The following ECHS1 variants were observed in gnomAD, a reference collection of about 807,000 sequenced individuals.
The protein encoded by ECHS1 is enoyl-CoA hydratase, mitochondrial.
Under a neutral mutation model 33.5 loss-of-function variants are expected in ECHS1, and 19 were observed. That is an observed-to-expected ratio of 0.57 (90% CI 0.40 to 0.83). ECHS1 has a LOEUF of 0.83. ECHS1 is among the 40% of genes least tolerant of loss of function. The pLI is 0.00. For missense variants in ECHS1, 365 were observed against 381.3 expected, an observed-to-expected ratio of 0.96 and a Z score of 0.36; for synonymous variants, 158 against 146.6, an observed-to-expected ratio of 1.08 and a Z score of -0.56.
chr10:133,364,260 T>C (rs1849002378), intron 7 of ECHS1, among the ~76,000 whole-genome samples: 2 of 152,212 alleles, frequency 1.3e-5, no homozygotes, highest in South Asian at 2.1e-4. Flanking sequence ...TTTAAAAAAG[T>C]CTTTTTTTTG....
intron 3 of ECHS1, 150 bp downstream of exon 3, chr10:133,369,754 G>C: frequency 8.8e-7 from 1 of 1,132,532 alleles, no homozygotes; most frequent in Non-Finnish European, 1.2e-6. Context: ...TCTCCACACA[G>C]TTCCTGGCTC....
Position 133,366,077 on chromosome 10 carries a change from C to A in ECHS1, c.638G>T (p.Cys213Phe). ...TTCTTCCACCAGTGTCTCAACAGGA[C>A]AAATCTTGCTGACAAGACCTGAAAC... Reference protein sequence around the residue: ...AKQAGLVSKICPVETLVEEAI... With the variant: ...AKQAGLVSKIFPVETLVEEAI... The change falls in exon 6 of 8, where the codon TGT becomes TTT. Residue 213 changes from cysteine (C) to phenylalanine (F), a missense_variant. Coordinates refer to ENST00000368547, the MANE Select transcript of ECHS1 (RefSeq NM_004092.4). 1 of 1,613,706 alleles carries A rather than the reference C, an allele frequency of 6.2e-7. No individual in the cohort carries two copies. Among genetic ancestry groups the A allele is most frequent in the South Asian group, 1.1e-5 (1 of 91,070 alleles).
intron 7 of ECHS1, 101 bp downstream of exon 7, chr10:133,364,557 C>T: frequency 1.0e-6 from 1 of 957,412 alleles, no homozygotes; most frequent in Non-Finnish European, 1.6e-6. Context: ...CAGTTCTGAC[C>T]AGAAAGAAAC....
At chr10:133,372,362 C>G (rs1157269394) in intron 1 of ECHS1, among the ~76,000 whole-genome samples, 1 of 152,164 alleles carries the variant, frequency 6.6e-6, no homozygotes, top group African/African-American at 2.4e-5. Context: ...AGTGGGGCCC[C>G]GGGTGAGCCA....
chr10:133,362,720 G>A lies in ECHS1; in HGVS notation c.*148C>T, dbSNP rs990573572. 7 of 827,536 alleles carry A rather than the reference G, an allele frequency of 8.5e-6. No individual in the cohort carries two copies. In the African/African-American group the frequency reaches 1.0e-4, roughly 12 times the overall value. The allele number at this position is 827,536 out of a possible 1,614,324, so 51.3% of individuals were successfully genotyped here. ...GGTGACGAAGGCTGTCATGCCGTGA[G>A]AGGTCGGGCCACGACCACGCAGCAA... is the stretch of plus-strand genomic sequence containing the variant. On this transcript the variant is annotated 3_prime_UTR_variant, in exon 8 of 8. Transcript: ENST00000368547.
intron 3 of ECHS1, 48 bp downstream of exon 3, chr10:133,369,856 C>T (rs775913861): frequency 5.6e-6 from 9 of 1,607,444 alleles, no homozygotes; most frequent in South Asian, 1.1e-5. Flanking sequence ...ATGCACAGCA[C>T]GGTTCCTTCA....
chr10:133,370,617 C>T lies in ECHS1; in HGVS notation c.229G>A (p.Glu77Lys), dbSNP rs1426014295. 1.4e-5 allele frequency: 23 copies of T among 1,611,848 alleles called. No individual in the cohort carries two copies. Among genetic ancestry groups the T allele is most frequent in the East Asian group, 2.2e-5 (1 of 44,862 alleles). The change falls in exon 2 of 8, where the codon GAG becomes AAG. Residue 77 changes from glutamate (E) to lysine (K), a missense_variant. Transcript: ENST00000368547. ...DELNQALKTF[E>K]EDPAVGAIVL... ...ATGGCCCCCACGGCCGGGTCCTCCT[C>T]GAAGGTCTTCAGGGCCTGGTTGAGC...
rs896307004 is a variant in ECHS1 at position 133,370,540 on chromosome 10, G to C, written c.286+20C>G. ...CTCCCACATCTGCCCAGACACAAAG[G>C]CCTCTGCTGCCGCGCGTACCTGCAA... is the stretch of plus-strand genomic sequence containing the variant. On this transcript the variant is annotated intron_variant, in intron 2 of 7. Transcript: ENST00000368547. The C allele has an allele frequency of 7.3e-6, 11 of 1,505,386 alleles. No individual in the cohort carries two copies. Among genetic ancestry groups the C allele is most frequent in the Non-Finnish European group, 9.8e-6 (11 of 1,124,802 alleles). 93.3% of individuals were successfully genotyped at this position (1,505,386 alleles called of 1,614,324 possible).
chr10:133,369,801 TG>T, intron 3 of ECHS1, 102 bp downstream of exon 3: 1 of 1,476,066 alleles, frequency 6.8e-7, no homozygotes, highest in African/African-American at 1.4e-5. Context: ...GCTGCTGGCC[TG>T]GGAACTAAAG....
At position 133,362,908 on chromosome 10, in the gene ECHS1, GCGGTCATCCCTTCTTTC is replaced by G. The variant is rs1564802401; in HGVS notation, c.816_832del (p.Lys273ValfsTer115). On this transcript the variant is annotated frameshift_variant, in exon 8 of 8. Coordinates refer to ENST00000368547, the MANE Select transcript of ECHS1 (RefSeq NM_004092.4). LOFTEE classifies it high-confidence loss of function. The stretch of plus-strand genomic sequence containing the variant: ...GTTGGCCTTTCTCTTTTCCACAAAC[GCGGTCATCCCTTCTTTC>G]CGGTCATCCTGGCAGGAAAAGGAAC... 1.2e-6 allele frequency: 2 copies of G among 1,614,082 alleles called. No individual in the cohort carries two copies. The highest frequency in any genetic ancestry group is 1.7e-5 in the Admixed American group (1 of 60,022).
intron 1 of ECHS1, 36 bp from the exon 2 acceptor site, chr10:133,370,793 A>C: frequency 6.3e-7 from 1 of 1,584,330 alleles, no homozygotes; most frequent in African/African-American, 1.3e-5. Context: ...ATCTATTCAC[A>C]CAGGTATCAA....
chr10:133,368,632 A>G (rs1337153219), intron 4 of ECHS1, among the ~76,000 whole-genome samples: 2 of 152,120 alleles, frequency 1.3e-5, no homozygotes, highest in Non-Finnish European at 2.9e-5. Context: ...TCTGCCATGG[A>G]CACGAATCAC....
chr10:133,365,841 G>A (rs1849020410), intron 6 of ECHS1, 135 bp downstream of exon 6: 13 of 1,106,532 alleles, frequency 1.2e-5, no homozygotes, highest in Non-Finnish European at 1.7e-5. Context: ...ACAGACAGCA[G>A]AACTGAGACA....
rs1334679375 is a variant in ECHS1, at chr10:133,362,572, G to A, written c.*296C>T. 4 of 482,368 alleles carry A rather than the reference G, an allele frequency of 8.3e-6. No individual in the cohort carries two copies. The highest frequency in any genetic ancestry group is 4.9e-5 in the South Asian group (2 of 40,890). The allele number at this position is 482,368 out of a possible 1,614,324, so 29.9% of individuals were successfully genotyped here. On this transcript the variant is annotated 3_prime_UTR_variant, in exon 8 of 8. Coordinates refer to ENST00000368547, the MANE Select transcript of ECHS1 (RefSeq NM_004092.4). ...AGAGCAGCCCCATTCTTCAGCGGCA[G>A]GGACACAAGGACCCGCAGGCCCCGC...
chr10:133,366,625 A>G (rs1849034719), intron 5 of ECHS1, among the ~76,000 whole-genome samples: 1 of 150,852 alleles, frequency 6.6e-6, no homozygotes, highest in Non-Finnish European at 1.5e-5. Context: ...CGAGGGGGAC[A>G]CCTGGATGCC....
intron 5 of ECHS1, among the ~76,000 whole-genome samples, chr10:133,366,374 G>A (rs1270678838): frequency 6.6e-6 from 1 of 152,270 alleles, no homozygotes; most frequent in African/African-American, 2.4e-5. Flanking sequence ...CAACAGGGCA[G>A]TGGGAGGACC....
chr10:133,364,289 C>T (rs1849002530), intron 7 of ECHS1, among the ~76,000 whole-genome samples: 1 of 152,028 alleles, frequency 6.6e-6, no homozygotes, highest in South Asian at 2.1e-4. Flanking sequence ...TCTTGCTTTG[C>T]TGCCCAGTTG....
chr10:133,370,100 A>AC, intron 2 of ECHS1, 69 bp from the exon 3 acceptor site: 1 of 1,586,372 alleles, frequency 6.3e-7, no homozygotes, highest in Non-Finnish European at 8.6e-7. Context: ...TATCTCTCAG[A>AC]CCAACAAGGA....
rs1849081891 is a variant in ECHS1 at position 133,369,908 on chromosome 10, T to C, written c.410A>G (p.Tyr137Cys). ...ACTCTTGGCAGCAACACTCACGGCA[T>C]AGCCATTGACAGCAGCGATGACTGG... ...KKPVIAAVNGYAFGGGCELAM... is the reference protein window; with the variant it reads ...KKPVIAAVNGCAFGGGCELAM... Residue 137 changes from tyrosine to cysteine, a missense_variant, in exon 3 of 8, where the codon TAT (tyrosine) becomes TGT (cysteine). Coordinates refer to ENST00000368547, the MANE Select transcript of ECHS1 (RefSeq NM_004092.4). 7 of 1,613,410 alleles carry C rather than the reference T, an allele frequency of 4.3e-6. No individual in the cohort carries two copies. Among genetic ancestry groups the C allele is most frequent in the South Asian group, 2.2e-5 (2 of 91,058 alleles).
Sources: allele counts gnomAD v4.1 joint callset (sites outside exome capture counted in the v4.1 genomes callset), GRCh38; gene constraint gnomAD v4.1.1; transcripts MANE v1.5; gene names NCBI Gene and HGNC (gene_info 2026-07-23, HGNC 2026-07-21).